SRGAP1: variants seen among roughly 807,000 people sequenced by gnomAD.
The protein encoded by SRGAP1 is SLIT-ROBO Rho GTPase activating protein 1, also known as SLIT-ROBO Rho GTPase-activating protein 1.
In SRGAP1, 43 loss-of-function variants were observed where a neutral mutation model predicts 121.9. That is an observed-to-expected ratio of 0.35 (90% CI 0.28 to 0.46). The LOEUF is 0.46. Among genes scored for constraint, SRGAP1 ranks in the 20% least tolerant of loss-of-function variants. The pLI is 1.00. For missense variants in SRGAP1, 1,102 were observed against 1,350.9 expected, an observed-to-expected ratio of 0.82 and a Z score of 2.89; for synonymous variants, 447 against 485.4, an observed-to-expected ratio of 0.92 and a Z score of 1.04.
chr12:63,923,284 A>C (rs1184181091), intron 1 of SRGAP1, among the ~76,000 whole-genome samples: 1 of 152,212 alleles, frequency 6.6e-6, no homozygotes, highest in African/African-American at 2.4e-5. Flanking sequence ...CCTTATAGAT[A>C]GATTTTATTC....
intron 2 of SRGAP1, among the ~76,000 whole-genome samples, chr12:63,988,088 C>T (rs1038454830): frequency 6.6e-6 from 1 of 152,174 alleles, no homozygotes; most frequent in African/African-American, 2.4e-5. Flanking sequence ...TATTACTTTT[C>T]ACAGTAAGTG....
At chr12:64,049,676 T>A (rs748268516) in intron 6 of SRGAP1, among the ~76,000 whole-genome samples, 6 of 152,226 alleles carry the variant, frequency 3.9e-5, no homozygotes, top group Non-Finnish European at 7.3e-5. Context: ...GAAAACGAGT[T>A]CACTGTAGAT....
At chr12:64,130,201 C>A (rs540020955) in intron 21 of SRGAP1, among the ~76,000 whole-genome samples, 1 of 152,280 alleles carries the variant, frequency 6.6e-6, no homozygotes, top group South Asian at 2.1e-4. Flanking sequence ...CGACTGATTT[C>A]ATCTTGATAG....
Position 64,142,386 on chromosome 12 carries a change from A to G in SRGAP1, c.2972A>G (p.Asp991Gly). 6.2e-7 allele frequency: 1 copy of G among 1,614,098 alleles called. No individual in the cohort carries two copies. Among genetic ancestry groups the G allele is most frequent in the Non-Finnish European group, 8.5e-7 (1 of 1,180,018 alleles). Residue 991 changes from aspartate to glycine, a missense_variant, in exon 22 of 22, where the codon GAT becomes GGT. Physicochemically the swap from Asp to Gly is moderately conservative, Grantham distance 94. Transcript: ENST00000355086. ...AAGCATGCCCCTGATGTGGTGCTGG[A>G]TACCCTGGAGCAAGTGAAAAACTCT... is the stretch of plus-strand genomic sequence containing the variant. ...TAKHAPDVVL[D>G]TLEQVKNSPT...
intron 19 of SRGAP1, among the ~76,000 whole-genome samples, chr12:64,126,399 A>G (rs2036688134): frequency 6.6e-6 from 1 of 152,246 alleles, no homozygotes; most frequent in Admixed American, 6.5e-5. Context: ...TTAGAAAAAT[A>G]ACCTATGCAT....
chr12:64,079,898 G>C (rs1593107826), intron 9 of SRGAP1, among the ~76,000 whole-genome samples: 2 of 152,006 alleles, frequency 1.3e-5, no homozygotes, highest in African/African-American at 4.8e-5. Flanking sequence ...AGATCAAAGT[G>C]GCTGGATTTT....
At chr12:64,068,536 T>C (rs12826380) in intron 8 of SRGAP1, among the ~76,000 whole-genome samples, 150,819 of 150,890 alleles carry the variant, frequency 1, 75,374 homozygotes, top group Middle Eastern at 1. Context: ...GGTTTCCCCA[T>C]GTTGCCCAGG....
intron 1 of SRGAP1, among the ~76,000 whole-genome samples, chr12:63,909,884 T>C (rs1223237674): frequency 1.3e-5 from 2 of 152,060 alleles, no homozygotes; most frequent in African/African-American, 4.8e-5. Context: ...GAAACCTGAG[T>C]TTTTACTGTT....
In SRGAP1 at chr12:64,150,939, A is replaced by AAAAAAAAAAAAAAAC. The variant is rs2037113718; in HGVS notation, c.*8281_*8282insCAAAAAAAAAAAAAA. Reference sequence around the variant, plus strand: ...GGAAGAGTGAGAAGCTATCTCAAAAAAAAAAAAAAAAAAAAAAAAAACATG... The same window carrying AAAAAAAAAAAAAAAC: ...GGAAGAGTGAGAAGCTATCTCAAAAAAAAAAAAAAAAAAACAAAAAAAAAAAAAAAAAAAAACATG... On this transcript the variant is annotated 3_prime_UTR_variant, in exon 22 of 22. Transcript: ENST00000355086. 7.7e-6 allele frequency: 1 copy of AAAAAAAAAAAAAAAC among 130,006 alleles called. No individual in the cohort carries two copies. Among genetic ancestry groups the AAAAAAAAAAAAAAAC allele is most frequent in the Non-Finnish European group, 1.5e-5 (1 of 64,774 alleles). 8.1% of individuals were successfully genotyped at this position (130,006 alleles called of 1,614,324 possible).
chr12:64,128,774 A>G (rs2036739919), intron 21 of SRGAP1, among the ~76,000 whole-genome samples: 1 of 152,234 alleles, frequency 6.6e-6, no homozygotes, highest in Non-Finnish European at 1.5e-5. Flanking sequence ...ATATTTGAAG[A>G]ACAAGTCTGG....
intron 10 of SRGAP1, chr12:64,081,770 A>G (rs1484947448): frequency 6.6e-6 from 1 of 151,512 alleles, no homozygotes; most frequent in Non-Finnish European, 1.5e-5. Flanking sequence ...ACTTACCTTC[A>G]AATGGTTCTA....
chr12:63,944,839 A>G (rs1263202293), intron 1 of SRGAP1, among the ~76,000 whole-genome samples: 3 of 152,194 alleles, frequency 2.0e-5, no homozygotes, highest in African/African-American at 2.4e-5. Context: ...ACCCAGGTGC[A>G]TGCTGCACAG....
At chr12:64,047,679 T>C (rs1279767141) in intron 6 of SRGAP1, among the ~76,000 whole-genome samples, 1 of 152,152 alleles carries the variant, frequency 6.6e-6, no homozygotes, top group Admixed American at 6.6e-5. Context: ...TATCTGTCTT[T>C]TTTCTAACAA....
chr12:64,115,714 T>A, intron 17 of SRGAP1, 100 bp from the exon 18 acceptor site: 1 of 834,522 alleles, frequency 1.2e-6, no homozygotes, highest in Non-Finnish European at 1.9e-6. Context: ...TGAGCCAAGA[T>A]CACACCACTG....
At chr12:64,115,519 G>A (rs539787822) in intron 17 of SRGAP1, among the ~76,000 whole-genome samples, 1 of 152,108 alleles carries the variant, frequency 6.6e-6, no homozygotes, top group Non-Finnish European at 1.5e-5. Flanking sequence ...TGGCACTTTG[G>A]GAGATCAAGG....
chr12:64,024,585 T>G (rs913749235), intron 4 of SRGAP1, among the ~76,000 whole-genome samples: 4 of 152,250 alleles, frequency 2.6e-5, no homozygotes, highest in African/African-American at 9.6e-5. Context: ...ATCCATGTCT[T>G]GCTCCATTCG....
intron 1 of SRGAP1, among the ~76,000 whole-genome samples, chr12:63,875,847 A>G (rs1026940641): frequency 3.3e-5 from 5 of 152,234 alleles, no homozygotes; most frequent in Admixed American, 3.3e-4. Context: ...CGGGCTGATC[A>G]CTAAGAAATA....
chr12:63,877,189 A>C (rs939266531), intron 1 of SRGAP1, among the ~76,000 whole-genome samples: 7 of 152,090 alleles, frequency 4.6e-5, no homozygotes, highest in Non-Finnish European at 1.0e-4. Context: ...GCGCCATTAC[A>C]CTCCAGCTTG....
chr12:63,997,166 A>C (rs560554052), intron 3 of SRGAP1, among the ~76,000 whole-genome samples: 1 of 152,230 alleles, frequency 6.6e-6, no homozygotes, highest in East Asian at 1.9e-4. Context: ...AAAAGGTACA[A>C]TACAATTACA....
Sources: allele counts gnomAD v4.1 joint callset (sites outside exome capture counted in the v4.1 genomes callset), GRCh38; gene constraint gnomAD v4.1.1; transcripts MANE v1.5; gene names NCBI Gene and HGNC (gene_info 2026-07-23, HGNC 2026-07-21).